The following GULP1 variants were observed in gnomAD, a reference collection of about 807,000 sequenced individuals.
GULP1 encodes PTB domain-containing engulfment adapter protein 1.
A neutral mutation model predicts 40.9 loss-of-function variants in GULP1; 19 were observed. That is an observed-to-expected ratio of 0.46 (90% confidence interval 0.32 to 0.68). The LOEUF is 0.68. Ranked by LOEUF, GULP1 falls within the 30% of genes least tolerant of loss-of-function variation. The probability of loss-of-function intolerance (pLI) is 0.03; values close to 1 mark genes in which losing one functional copy is unlikely to be tolerated. For synonymous variants in GULP1, 119 were observed against 117.6 expected (o/e 1.01, Z -0.08); for missense variants, 312 against 362.2 (o/e 0.86, Z 1.12).
At chr2:188,532,077 TA>T (rs1185460920) in intron 6 of GULP1, among the ~76,000 whole-genome samples, 3 of 152,196 alleles carry the variant, frequency 2.0e-5, no homozygotes, top group Non-Finnish European at 4.4e-5. Flanking sequence ...CAGCACACAT[TA>T]AAATATATAA....
chr2:188,481,994 A>T (rs1344988227), intron 3 of GULP1, among the ~76,000 whole-genome samples: 1 of 151,862 alleles, frequency 6.6e-6, no homozygotes, highest in Non-Finnish European at 1.5e-5. Flanking sequence ...CCTTATAGAA[A>T]ATACAAATTT....
At chr2:188,542,910 T>A (rs555546582) in intron 7 of GULP1, among the ~76,000 whole-genome samples, 59 of 152,296 alleles carry the variant, frequency 3.9e-4, no homozygotes, top group African/African-American at 1.4e-3. Context: ...TTTCCTGCCT[T>A]ACCCATAGAA....
At chr2:188,380,043 CA>C (rs2048817559) in intron 1 of GULP1, among the ~76,000 whole-genome samples, 2 of 152,140 alleles carry the variant, frequency 1.3e-5, no homozygotes. Flanking sequence ...AGTAACTAAA[CA>C]ATTGGGCATT....
intron 11 of GULP1, chr2:188,589,627 G>A: frequency 1.4e-5 from 7 of 514,462 alleles, no homozygotes. Context: ...CAATGTATTG[G>A]GATGATTGAG....
At chr2:188,391,515 T>C (rs1417875799) in intron 2 of GULP1, among the ~76,000 whole-genome samples, 1 of 152,008 alleles carries the variant, frequency 6.6e-6, no homozygotes, top group Non-Finnish European at 1.5e-5. Flanking sequence ...TTTGGAGAAG[T>C]CTTCATGGTT....
intron 1 of GULP1, among the ~76,000 whole-genome samples, chr2:188,358,497 T>G (rs2045661556): frequency 6.6e-6 from 1 of 152,098 alleles, no homozygotes; most frequent in Non-Finnish European, 1.5e-5. Flanking sequence ...ATACTGAACG[T>G]TACCAACATT....
intron 1 of GULP1, among the ~76,000 whole-genome samples, chr2:188,377,675 G>A (rs2048467334): frequency 6.6e-6 from 1 of 152,100 alleles, no homozygotes; most frequent in Admixed American, 6.6e-5. Context: ...TTAGTTCTTA[G>A]TTATGTAAAT....
At chr2:188,448,216 C>T (rs1485806196) in intron 2 of GULP1, among the ~76,000 whole-genome samples, 1 of 152,094 alleles carries the variant, frequency 6.6e-6, no homozygotes, top group Non-Finnish European at 1.5e-5. Context: ...AGTGTAAAAG[C>T]AGAGTTGTTA....
chr2:188,573,628 A>G (rs1162326307), intron 9 of GULP1, among the ~76,000 whole-genome samples: 1 of 148,680 alleles, frequency 6.7e-6, no homozygotes, highest in East Asian at 1.9e-4. Flanking sequence ...AACCCTGGAA[A>G]TAGGACTCTG....
At chr2:188,585,022 T>C (rs548781003) in intron 10 of GULP1, among the ~76,000 whole-genome samples, 28 of 152,170 alleles carry the variant, frequency 1.8e-4, no homozygotes, top group Admixed American at 1.0e-3. Context: ...CATACAGGCA[T>C]TGGGTGAACG....
chr2:188,539,040 G>A lies in GULP1; in HGVS notation c.262-2141G>A, dbSNP rs1056498888. Among the ~76,000 whole-genome samples the A allele has an allele frequency of 4.6e-5, 7 of 151,838 alleles. No individual in the cohort carries two copies. The South Asian group carries it at 8.3e-4, about 18-fold the overall frequency. On this transcript the variant is annotated intron_variant, in intron 6 of 11. Coordinates refer to ENST00000409830, the MANE Select transcript of GULP1 (RefSeq NM_016315.4). ...AATGAAAATGGAAAGTGAAAATTAAGTGAAAGCAATCTCAATAACAATTGG... is the reference window on the plus strand; with the variant it reads ...AATGAAAATGGAAAGTGAAAATTAAATGAAAGCAATCTCAATAACAATTGG...
At chr2:188,480,522 C>T (rs1381737510) in intron 3 of GULP1, among the ~76,000 whole-genome samples, 2 of 151,710 alleles carry the variant, frequency 1.3e-5, no homozygotes, top group Admixed American at 1.3e-4. Flanking sequence ...CACTGATTTT[C>T]TTTGCAGATG....
intron 9 of GULP1, among the ~76,000 whole-genome samples, chr2:188,573,702 G>A (rs1699589152): frequency 6.6e-6 from 1 of 152,070 alleles, no homozygotes; most frequent in African/African-American, 2.4e-5. Flanking sequence ...AAATGAGTAA[G>A]TTCTCATCAG....
chr2:188,335,777 T>C (rs1211876901), intron 1 of GULP1, among the ~76,000 whole-genome samples: 1 of 152,200 alleles, frequency 6.6e-6, no homozygotes, highest in East Asian at 1.9e-4. Flanking sequence ...CAATTAAAGA[T>C]TGAAATGCAG....
At chr2:188,331,247 AC>A (rs755431470) in intron 1 of GULP1, among the ~76,000 whole-genome samples, 12 of 152,206 alleles carry the variant, frequency 7.9e-5, no homozygotes, top group Non-Finnish European at 1.6e-4. Context: ...CTTTCCTGAT[AC>A]AGAATGAACA....
chr2:188,538,721 AGT>A (rs1166394813), intron 6 of GULP1, among the ~76,000 whole-genome samples: 4 of 145,176 alleles, frequency 2.8e-5, no homozygotes, highest in Admixed American at 2.7e-4. Context: ...GTGTGTGTGT[AGT>A]GAGAGAGAGA....
intron 2 of GULP1, among the ~76,000 whole-genome samples, chr2:188,407,417 A>G (rs2053269557): frequency 6.6e-6 from 1 of 152,246 alleles, no homozygotes; most frequent in Non-Finnish European, 1.5e-5. Flanking sequence ...AAGCTAAAAG[A>G]CAAAGCTATT....
chr2:188,407,817 G>T (rs1285553370), intron 2 of GULP1, among the ~76,000 whole-genome samples: 1 of 152,038 alleles, frequency 6.6e-6, no homozygotes, highest in Admixed American at 6.6e-5. Flanking sequence ...AATGTTAATG[G>T]ATTAAATTCT....
At chr2:188,439,447 A>T (rs1435717609) in intron 2 of GULP1, among the ~76,000 whole-genome samples, 1 of 152,192 alleles carries the variant, frequency 6.6e-6, no homozygotes, top group Non-Finnish European at 1.5e-5. Context: ...TTCTTTCTGT[A>T]TCTCCAATAC....
Sources: gnomAD v4.1 joint callset for allele counts (sites outside exome capture counted in the v4.1 genomes callset) on GRCh38, gnomAD v4.1.1 for gene constraint, MANE v1.5 for transcripts, NCBI Gene and HGNC (gene_info 2026-07-23, HGNC 2026-07-21) for gene names.